Variants in ERG observed in about 807,000 individuals in gnomAD.
ERG encodes the protein transcriptional regulator ERG.
Under a neutral mutation model 55.3 loss-of-function variants are expected in ERG, and 9 were observed. That is an observed-to-expected ratio of 0.16 (90% CI 0.10 to 0.28). ERG has a LOEUF of 0.28. ERG is among the 10% of genes least tolerant of loss of function. The pLI is 1.00. For missense variants in ERG, 434 were observed against 631.6 expected, an observed-to-expected ratio of 0.69 and a Z score of 3.35; for synonymous variants, 223 against 237.3, an observed-to-expected ratio of 0.94 and a Z score of 0.55.
intron 2 of ERG, among the ~76,000 whole-genome samples, chr21:38,539,711 A>C (rs1250701479): frequency 6.6e-6 from 1 of 152,052 alleles, no homozygotes; most frequent in Non-Finnish European, 1.5e-5. Flanking sequence ...TTGTTTTGCT[A>C]ATGGGTCATG....
chr21:38,399,505 T>C (rs1466751830), intron 6 of ERG, among the ~76,000 whole-genome samples: 1 of 152,176 alleles, frequency 6.6e-6, no homozygotes, highest in Non-Finnish European at 1.5e-5. Flanking sequence ...GGAGAAACCA[T>C]CCCACCACCC....
At chr21:38,562,459 G>C (rs2059898525) in intron 2 of ERG, among the ~76,000 whole-genome samples, 1 of 152,090 alleles carries the variant, frequency 6.6e-6, no homozygotes, top group Non-Finnish European at 1.5e-5. Context: ...CAGCACCTGG[G>C]GGTAGTTTGT....
chr21:38,394,890 G>T (rs1483750675), intron 6 of ERG, among the ~76,000 whole-genome samples: 1 of 152,136 alleles, frequency 6.6e-6, no homozygotes, highest in Non-Finnish European at 1.5e-5. Flanking sequence ...AGGTTAGTCA[G>T]ATACTACCTT....
rs541297738 is a variant in ERG, at chr21:38,482,000, T to G, written c.18+16363A>C. Among the ~76,000 whole-genome samples, 8 of 152,244 alleles carry G rather than the reference T, an allele frequency of 5.3e-5. No homozygotes were observed. In the South Asian group the frequency reaches 1.0e-3, roughly 20 times the overall value. On this transcript the variant is annotated intron_variant, in intron 1 of 9. Coordinates refer to ENST00000288319, the MANE Select transcript of ERG (RefSeq NM_182918.4). Reference sequence around the variant, plus strand: ...GGTAGGTGTTGCTGCTCAATAAAAATGAAAGTGGTGTTTGGTTTTGCTCAT... The same window carrying G: ...GGTAGGTGTTGCTGCTCAATAAAAAGGAAAGTGGTGTTTGGTTTTGCTCAT...
chr21:38,567,521 T>C (rs529685535), intron 2 of ERG, among the ~76,000 whole-genome samples: 5 of 152,118 alleles, frequency 3.3e-5, no homozygotes, highest in Non-Finnish European at 7.4e-5. Context: ...GCTGATTTAT[T>C]GAGAAAAAAT....
chr21:38,477,492 G>A (rs546869107), intron 1 of ERG, among the ~76,000 whole-genome samples: 45 of 152,116 alleles, frequency 3.0e-4, no homozygotes, highest in Non-Finnish European at 5.9e-4. Context: ...AGCATTTGCC[G>A]TAACCAGTCG....
chr21:38,466,300 G>GGTGTGTGT (rs145670035), intron 1 of ERG, among the ~76,000 whole-genome samples: 6,861 of 140,582 alleles, frequency 0.049, 265 homozygotes, highest in Admixed American at 0.13. Flanking sequence ...GATGGTCTGG[G>GGTGTGTGT]GTGTGTGTGT....
chr21:38,390,944 C>T, intron 9 of ERG, 51 bp downstream of exon 9: 2 of 1,459,422 alleles, frequency 1.4e-6, no homozygotes, highest in African/African-American at 1.4e-5. Context: ...TTCAAAATAA[C>T]CACTGCCAAA....
intron 1 of ERG, among the ~76,000 whole-genome samples, chr21:38,634,274 T>C (rs1241357932): frequency 6.6e-6 from 1 of 152,218 alleles, no homozygotes; most frequent in Non-Finnish European, 1.5e-5. Flanking sequence ...GTCCCCATTA[T>C]GAGCAAAAGT....
chr21:38,564,534 C>T (rs1413103392), intron 2 of ERG, among the ~76,000 whole-genome samples: 1 of 152,078 alleles, frequency 6.6e-6, no homozygotes. Context: ...CCTTCTAAAT[C>T]ATGTCAAAAG....
At chr21:38,404,429 G>A (rs1441407315) in intron 3 of ERG, among the ~76,000 whole-genome samples, 7 of 152,148 alleles carry the variant, frequency 4.6e-5, no homozygotes, top group South Asian at 2.1e-4. Context: ...AGGCCACGTC[G>A]TCACACTCCA....
chr21:38,601,147 C>T (rs1057145838), intron 1 of ERG, among the ~76,000 whole-genome samples: 5 of 152,116 alleles, frequency 3.3e-5, no homozygotes, highest in Admixed American at 6.5e-5. Flanking sequence ...CAGGATGGAA[C>T]GGTCAGTAGG....
intron 3 of ERG, among the ~76,000 whole-genome samples, chr21:38,423,097 G>GTA (rs2146501171): frequency 6.7e-6 from 1 of 149,832 alleles, no homozygotes; most frequent in Admixed American, 6.6e-5. Context: ...GTGTGTGTGT[G>GTA]TGTGTGTGTG....
chr21:38,512,589 T>A (rs1353357490), intron 2 of ERG, among the ~76,000 whole-genome samples: 1 of 152,188 alleles, frequency 6.6e-6, no homozygotes, highest in African/African-American at 2.4e-5. Context: ...TAGAAAATAT[T>A]CAAAGTATAA....
intron 1 of ERG, among the ~76,000 whole-genome samples, chr21:38,660,854 C>G (rs2060550208): frequency 1.3e-5 from 2 of 151,754 alleles, no homozygotes; most frequent in Non-Finnish European, 2.9e-5. Context: ...TTCGAGTGCG[C>G]GCGTGTCCGT....
intron 1 of ERG, among the ~76,000 whole-genome samples, chr21:38,601,247 T>C (rs1402412830): frequency 6.6e-6 from 1 of 152,148 alleles, no homozygotes; most frequent in Non-Finnish European, 1.5e-5. Context: ...ATAACACCAC[T>C]GATAGGAATC....
the ERG span, among the ~76,000 whole-genome samples, chr21:38,369,306 A>G: frequency 1.3e-5 from 2 of 152,172 alleles, no homozygotes; most frequent in Non-Finnish European, 2.9e-5. Context: ...AATAATAGCC[A>G]TTCTGACTGG....
intron 1 of ERG, among the ~76,000 whole-genome samples, chr21:38,448,230 T>C (rs958033288): frequency 2.6e-5 from 4 of 152,206 alleles, no homozygotes; most frequent in Non-Finnish European, 5.9e-5. Context: ...TGAGATCGAT[T>C]TAGGAAGGAA....
chr21:38,620,914 A>G (rs1408071939), intron 1 of ERG, among the ~76,000 whole-genome samples: 1 of 152,240 alleles, frequency 6.6e-6, no homozygotes. Flanking sequence ...TTGTTCAGTA[A>G]GAAGGACCTT....
Sources: gnomAD v4.1 joint callset for allele counts (sites outside exome capture counted in the v4.1 genomes callset) on GRCh38, gnomAD v4.1.1 for gene constraint, MANE v1.5 for transcripts, NCBI Gene and HGNC (gene_info 2026-07-23, HGNC 2026-07-21) for gene names.